Variants in SHISAL1 observed in about 807,000 individuals in gnomAD.
SHISAL1 encodes shisa like 1, also known as protein shisa-like-1.
In SHISAL1, 9 loss-of-function variants were observed where a neutral mutation model predicts 22.6. The observed-to-expected ratio is 0.40, with a 90% confidence interval of 0.24 to 0.70. The LOEUF is 0.70. Among genes scored for constraint, SHISAL1 ranks in the 30% least tolerant of loss-of-function variants. The pLI is 0.39. For missense variants in SHISAL1, 246 were observed against 270.6 expected, an observed-to-expected ratio of 0.91 and a Z score of 0.64; for synonymous variants, 119 against 115.4, an observed-to-expected ratio of 1.03 and a Z score of -0.20.
intron 2 of SHISAL1, among the ~76,000 whole-genome samples, 192 bp downstream of exon 2, chr22:44,300,687 G>C (rs1193070776): frequency 1.3e-5 from 2 of 152,126 alleles, no homozygotes; most frequent in Non-Finnish European, 1.5e-5. Context: ...TAGAGACAGA[G>C]AGACAGAGAC....
At chr22:44,253,338 T>C (rs1452938188) in intron 4 of SHISAL1, among the ~76,000 whole-genome samples, 1 of 152,078 alleles carries the variant, frequency 6.6e-6, no homozygotes, top group Non-Finnish European at 1.5e-5. Flanking sequence ...GTAATGAATG[T>C]TCATGTACCA....
the SHISAL1 span, among the ~76,000 whole-genome samples, chr22:44,326,629 G>A: frequency 6.6e-6 from 1 of 152,202 alleles, no homozygotes; most frequent in African/African-American, 2.4e-5. Context: ...TCTGGAGGCA[G>A]CCGTTTGCAC....
intron 4 of SHISAL1, among the ~76,000 whole-genome samples, chr22:44,259,068 C>T (rs2055104063): frequency 6.6e-6 from 1 of 152,102 alleles, no homozygotes; most frequent in Admixed American, 6.6e-5. Flanking sequence ...ACACAAGGCT[C>T]GTGAAAAAGG....
intron 4 of SHISAL1, among the ~76,000 whole-genome samples, chr22:44,275,445 G>A (rs2055233308): frequency 6.6e-6 from 1 of 152,210 alleles, no homozygotes; most frequent in Non-Finnish European, 1.5e-5. Flanking sequence ...GACCAGAGAG[G>A]ACTTGTTTCA....
intron 4 of SHISAL1, among the ~76,000 whole-genome samples, chr22:44,262,233 A>T (rs1202790957): frequency 6.6e-6 from 1 of 152,212 alleles, no homozygotes; most frequent in Non-Finnish European, 1.5e-5. Flanking sequence ...AGGCGGACGG[A>T]ACAGCCTCAG....
the SHISAL1 span, among the ~76,000 whole-genome samples, chr22:44,322,850 C>CA: frequency 6.6e-6 from 1 of 152,224 alleles, no homozygotes; most frequent in Admixed American, 6.5e-5. Flanking sequence ...CTTCTGCCCC[C>CA]AAACTTCAGC....
At chr22:44,261,446 C>T (rs1225719069) in intron 4 of SHISAL1, among the ~76,000 whole-genome samples, 1 of 152,174 alleles carries the variant, frequency 6.6e-6, no homozygotes, top group East Asian at 1.9e-4. Flanking sequence ...CACAGCACTG[C>T]AGAGTCCCAT....
At chr22:44,294,879 A>G (rs1328418841) in intron 3 of SHISAL1, among the ~76,000 whole-genome samples, 1 of 152,252 alleles carries the variant, frequency 6.6e-6, no homozygotes, top group Non-Finnish European at 1.5e-5. Flanking sequence ...AACTCGAAAT[A>G]AATGCAAAAT....
At chr22:44,288,638 C>T (rs1004887113) in intron 3 of SHISAL1, among the ~76,000 whole-genome samples, 2 of 152,146 alleles carry the variant, frequency 1.3e-5, no homozygotes, top group Non-Finnish European at 2.9e-5. Flanking sequence ...GAGACTCCGT[C>T]TCAAAAAAAG....
chr22:44,261,077 TTATATATATA>T (rs56290835), intron 4 of SHISAL1, among the ~76,000 whole-genome samples: 2 of 108,746 alleles, frequency 1.8e-5, no homozygotes, highest in African/African-American at 7.2e-5. Context: ...CTTCATTACT[TTATATATATA>T]TATATATATA....
chr22:44,255,120 C>T (rs1454221875), intron 4 of SHISAL1, among the ~76,000 whole-genome samples: 1 of 152,136 alleles, frequency 6.6e-6, no homozygotes, highest in Non-Finnish European at 1.5e-5. Context: ...ACCTTCTCTT[C>T]TCCACAATTT....
At chr22:44,253,694 G>C (rs868398279) in intron 4 of SHISAL1, among the ~76,000 whole-genome samples, 1 of 150,632 alleles carries the variant, frequency 6.6e-6, no homozygotes, top group Non-Finnish European at 1.5e-5. Context: ...TGCCCACCTC[G>C]GCCTCCCAAA....
Position 44,289,385 on chromosome 22 carries a change from G to C in SHISAL1, c.282-3640C>G, listed in dbSNP as rs145343432. 9.3e-3 allele frequency among the ~76,000 whole-genome samples: 1,408 copies of C among 152,216 alleles called. 29 individuals carry two copies. Among genetic ancestry groups the C allele is most frequent in the African/African-American group, 0.032 (1,334 of 41,542 alleles). On this transcript the variant is annotated intron_variant, in intron 3 of 4. Coordinates refer to ENST00000381176, the MANE Select transcript of SHISAL1 (RefSeq NM_001099294.2). Reference sequence around the variant, plus strand: ...CCTGCGTGGTGTGCCTGCTTGTCCCGGCCCACCCTCTACCAGGAACTGAGG... The same window carrying C: ...CCTGCGTGGTGTGCCTGCTTGTCCCCGCCCACCCTCTACCAGGAACTGAGG...
intron 3 of SHISAL1, among the ~76,000 whole-genome samples, chr22:44,292,599 C>T (rs867085875): frequency 6.6e-6 from 1 of 152,224 alleles, no homozygotes; most frequent in Non-Finnish European, 1.5e-5. Context: ...CAGACAGGCA[C>T]AGAGGTGGAC....
intron 4 of SHISAL1, among the ~76,000 whole-genome samples, chr22:44,284,106 G>A (rs1403002249): frequency 4.6e-5 from 7 of 152,064 alleles, no homozygotes; most frequent in African/African-American, 1.7e-4. Flanking sequence ...CCTGTGTGAT[G>A]GATGGTGTCA....
Position 44,248,131 on chromosome 22 carries a change from G to A in SHISAL1, c.*1554C>T, listed in dbSNP as rs1014467487. 6.6e-6 allele frequency: 1 copy of A among 152,228 alleles called. No homozygotes were observed. Among genetic ancestry groups the A allele is most frequent in the Non-Finnish European group, 1.5e-5 (1 of 68,132 alleles). The allele number at this position is 152,228 out of a possible 1,614,324, so 9.4% of individuals were successfully genotyped here. On this transcript the variant is annotated 3_prime_UTR_variant, in exon 5 of 5. Coordinates refer to ENST00000381176, the MANE Select transcript of SHISAL1 (RefSeq NM_001099294.2). Reference sequence around the variant, plus strand: ...ACTGAGTTCCTGGCACTGAGTTCCCGGCAGAGCACTCACTGCCTTCGCCAC... The same window carrying A: ...ACTGAGTTCCTGGCACTGAGTTCCCAGCAGAGCACTCACTGCCTTCGCCAC...
intron 3 of SHISAL1, 126 bp from the exon 4 acceptor site, chr22:44,285,871 T>G: frequency 1.3e-6 from 1 of 786,668 alleles, no homozygotes; most frequent in South Asian, 1.7e-5. Context: ...AGGAGGGTAC[T>G]GAGCCCCTCT....
chr22:44,329,293 C>T, the SHISAL1 span, among the ~76,000 whole-genome samples: 20 of 152,120 alleles, frequency 1.3e-4, no homozygotes, highest in African/African-American at 4.8e-4. Flanking sequence ...CAGCTGGTCT[C>T]ACTCTGGGCA....
the SHISAL1 span, among the ~76,000 whole-genome samples, chr22:44,321,614 T>C: frequency 6.6e-6 from 1 of 152,208 alleles, no homozygotes; most frequent in East Asian, 1.9e-4. Flanking sequence ...GGACGGGCCC[T>C]GGGTACTATC....
Sources: gnomAD v4.1 joint callset for allele counts (sites outside exome capture counted in the v4.1 genomes callset) on GRCh38, gnomAD v4.1.1 for gene constraint, MANE v1.5 for transcripts, NCBI Gene and HGNC (gene_info 2026-07-23, HGNC 2026-07-21) for gene names.